Variants in ATP8A1 observed in about 807,000 individuals in gnomAD.
The protein encoded by ATP8A1 is ATPase phospholipid transporting 8A1.
A neutral mutation model predicts 177.7 loss-of-function variants in ATP8A1; 90 were observed. The ratio of observed to expected loss-of-function variants is 0.51; its 90% CI spans 0.43 to 0.60. The LOEUF is 0.60. ATP8A1 is among the 20% of genes least tolerant of loss of function. ATP8A1 has a pLI of 0.00. For missense variants in ATP8A1, 1,072 were observed against 1,392.8 expected (o/e 0.77, Z 3.67); for synonymous variants, 493 against 485.9 (o/e 1.01, Z -0.19).
intron 27 of ATP8A1, among the ~76,000 whole-genome samples, chr4:42,463,349 G>A (rs749012343): frequency 6.6e-6 from 1 of 152,190 alleles, no homozygotes; most frequent in Non-Finnish European, 1.5e-5. Flanking sequence ...CTTGAGGTCT[G>A]ATGGTTTTAT....
At chr4:42,513,264 T>C (rs1725197931) in intron 22 of ATP8A1, among the ~76,000 whole-genome samples, 1 of 152,188 alleles carries the variant, frequency 6.6e-6, no homozygotes, top group Non-Finnish European at 1.5e-5. Flanking sequence ...CTTTAAACTG[T>C]AATACAGGAT....
At chr4:42,581,013 A>G (rs1732982604) in intron 10 of ATP8A1, among the ~76,000 whole-genome samples, 1 of 152,250 alleles carries the variant, frequency 6.6e-6, no homozygotes. Context: ...GACATGGACG[A>G]CTTGTAATAA....
intron 1 of ATP8A1, among the ~76,000 whole-genome samples, chr4:42,642,125 T>A: frequency 6.6e-6 from 1 of 152,146 alleles, no homozygotes; most frequent in Admixed American, 6.5e-5. Context: ...ACAAGACAAG[T>A]GTTTTATCCT....
At chr4:42,418,119 T>A (rs1713452558) in intron 35 of ATP8A1, among the ~76,000 whole-genome samples, 1 of 152,118 alleles carries the variant, frequency 6.6e-6, no homozygotes. Flanking sequence ...GAACAATACA[T>A]CAGAAAGGTT....
chr4:42,624,531 C>T lies in ATP8A1; in HGVS notation c.363+5G>A. The T allele has an allele frequency of 7.2e-7, 1 of 1,383,288 alleles. No individual in the cohort carries two copies. Among genetic ancestry groups the T allele is most frequent in the Non-Finnish European group, 9.7e-7 (1 of 1,029,302 alleles). 85.7% of individuals were successfully genotyped at this position (1,383,288 alleles called of 1,614,324 possible). ...CATACAATTATGAAAAAATAGAATA[C>T]TTACAATATCTTCTATTATCTCTTT... On this transcript the variant is annotated splice_donor_5th_base_variant and intron_variant, in intron 4 of 36. Coordinates refer to ENST00000381668, the MANE Select transcript of ATP8A1 (RefSeq NM_006095.2).
At chr4:42,440,040 T>C (rs1716447509) in intron 33 of ATP8A1, among the ~76,000 whole-genome samples, 1 of 152,224 alleles carries the variant, frequency 6.6e-6, no homozygotes, top group African/African-American at 2.4e-5. Context: ...GTGAGGATCA[T>C]GTGAGTTACC....
At chr4:42,648,886 C>T (rs1007207594) in intron 1 of ATP8A1, among the ~76,000 whole-genome samples, 4 of 151,996 alleles carry the variant, frequency 2.6e-5, no homozygotes, top group African/African-American at 7.2e-5. Context: ...ATTCTATATC[C>T]ATAAGGAGGA....
intron 20 of ATP8A1, among the ~76,000 whole-genome samples, chr4:42,529,356 G>A (rs1727022991): frequency 1.3e-5 from 2 of 152,186 alleles, no homozygotes; most frequent in East Asian, 1.9e-4. Context: ...GCTTGTTACT[G>A]GGCTTTGGTG....
intron 11 of ATP8A1, among the ~76,000 whole-genome samples, chr4:42,579,552 A>G (rs1458316071): frequency 6.6e-6 from 1 of 151,752 alleles, no homozygotes; most frequent in African/African-American, 2.4e-5. Context: ...TCGTTGATAT[A>G]TATAATAAAT....
intron 4 of ATP8A1, among the ~76,000 whole-genome samples, chr4:42,621,285 A>G (rs543236399): frequency 6.6e-6 from 1 of 152,234 alleles, no homozygotes; most frequent in Non-Finnish European, 1.5e-5. Flanking sequence ...CTGATGATCT[A>G]AATGTTCAAT....
At position 42,552,609 on chromosome 4, in the gene ATP8A1, G is replaced by C; in HGVS notation, c.1415C>G (p.Pro472Arg). Residue 472 changes from proline to arginine, a missense_variant and splice_region_variant, in exon 17 of 37, where the codon CCA becomes CGA. Transcript: ENST00000381668. ...SLLENLQNNH[P>R]TAPIICEFLT... ...AAATTCACATATTATAGGTGCAGTT[G>C]GCTGTGAAAAATAAACACATAATTT... 1 of 1,610,050 alleles carries C rather than the reference G, an allele frequency of 6.2e-7. No individual in the cohort carries two copies. Among genetic ancestry groups the C allele is most frequent in the East Asian group, 2.2e-5 (1 of 44,798 alleles).
chr4:42,581,863 C>T, intron 9 of ATP8A1, 131 bp from the exon 10 acceptor site: 1 of 663,216 alleles, frequency 1.5e-6, no homozygotes, highest in Non-Finnish European at 2.5e-6. Flanking sequence ...AAGTAATTTC[C>T]CCCCAGTACA....
intron 22 of ATP8A1, among the ~76,000 whole-genome samples, chr4:42,517,309 A>C (rs1400635972): frequency 6.9e-6 from 1 of 144,076 alleles, no homozygotes; most frequent in Non-Finnish European, 1.5e-5. Context: ...AAAAAAAAAA[A>C]CAAATTCTGA....
intron 34 of ATP8A1, 149 bp from the exon 35 acceptor site, chr4:42,423,048 G>A (rs867085347): frequency 4.6e-5 from 22 of 480,240 alleles, no homozygotes; most frequent in African/African-American, 2.6e-4. Flanking sequence ...AAAAATTACC[G>A]TAATTTTGAG....
chr4:42,472,954 C>G (rs1560364135), intron 25 of ATP8A1, among the ~76,000 whole-genome samples: 2 of 151,988 alleles, frequency 1.3e-5, no homozygotes, highest in African/African-American at 2.4e-5. Flanking sequence ...ATTTGGGTTA[C>G]TGGGAGAATG....
intron 9 of ATP8A1, among the ~76,000 whole-genome samples, chr4:42,584,985 C>T (rs1237294608): frequency 6.6e-6 from 1 of 152,180 alleles, no homozygotes; most frequent in Non-Finnish European, 1.5e-5. Flanking sequence ...CTATTACTCT[C>T]TTCATTGATC....
intron 20 of ATP8A1, among the ~76,000 whole-genome samples, chr4:42,536,157 A>C (rs1727808188): frequency 6.6e-6 from 1 of 152,232 alleles, no homozygotes; most frequent in Non-Finnish European, 1.5e-5. Context: ...TATAAATTAA[A>C]CAAAAAGCTG....
chr4:42,473,360 G>A (rs1035184789), intron 25 of ATP8A1, among the ~76,000 whole-genome samples: 4 of 152,172 alleles, frequency 2.6e-5, no homozygotes, highest in African/African-American at 9.6e-5. Flanking sequence ...CACCTGCTCT[G>A]AAGAGACAGA....
chr4:42,508,152 A>G (rs1724642455), intron 22 of ATP8A1, among the ~76,000 whole-genome samples: 1 of 152,126 alleles, frequency 6.6e-6, no homozygotes, highest in African/African-American at 2.4e-5. Flanking sequence ...ATTTATTTTG[A>G]GATGGAGTCT....
Sources: allele counts gnomAD v4.1 joint callset (sites outside exome capture counted in the v4.1 genomes callset), GRCh38; gene constraint gnomAD v4.1.1; transcripts MANE v1.5; gene names NCBI Gene and HGNC (gene_info 2026-07-23, HGNC 2026-07-21).